Variants in KCNH5 observed in about 807,000 individuals in gnomAD.
KCNH5 encodes the protein potassium voltage-gated channel subfamily H member 5, also known as voltage-gated delayed rectifier potassium channel KCNH5.
A neutral mutation model predicts 96.1 loss-of-function variants in KCNH5; 46 were observed. The ratio of observed to expected loss-of-function variants is 0.48; its 90% CI spans 0.38 to 0.61. The LOEUF (loss-of-function observed/expected upper bound fraction) is 0.61, where lower values mean the gene tolerates loss of function less well. KCNH5 is among the 20% of genes least tolerant of loss of function. The pLI is 0.00. For synonymous variants in KCNH5, 439 were observed against 449.8 expected (o/e 0.98, Z 0.30); for missense variants, 907 against 1,225.8 (o/e 0.74, Z 3.88).
rs773146562 is a variant in KCNH5 at position 63,028,510 on chromosome 14, T to G, written c.74-11556A>C. ...ACTCACAAAGCCGCGATTCCCAAGG[T>G]CAGAAGTGGCAACTAGAACACATGT... On this transcript the variant is annotated intron_variant, in intron 1 of 10. Transcript: ENST00000322893. 2.6e-5 allele frequency among the ~76,000 whole-genome samples: 4 copies of G among 152,252 alleles called. No individual in the cohort carries two copies. The East Asian group carries it at 7.7e-4, about 29-fold the overall frequency.
At chr14:62,782,063 G>A (rs972134909) in intron 9 of KCNH5, among the ~76,000 whole-genome samples, 2 of 152,156 alleles carry the variant, frequency 1.3e-5, no homozygotes, top group African/African-American at 4.8e-5. Flanking sequence ...GGCTTCAGCC[G>A]GTCCCTCCGT....
chr14:62,914,189 C>T (rs749832609), intron 7 of KCNH5, among the ~76,000 whole-genome samples: 5 of 152,126 alleles, frequency 3.3e-5, no homozygotes, highest in South Asian at 2.1e-4. Flanking sequence ...AAATAGAAAT[C>T]GTTAATAACC....
chr14:62,840,578 T>TC (rs1361832423), intron 8 of KCNH5, among the ~76,000 whole-genome samples: 38 of 136,962 alleles, frequency 2.8e-4, no homozygotes, highest in African/African-American at 9.2e-4. Context: ...TTTTTTTTTT[T>TC]TTTTTTTTTT....
chr14:63,036,037 G>C (rs1424285107), intron 1 of KCNH5, among the ~76,000 whole-genome samples: 1 of 152,204 alleles, frequency 6.6e-6, no homozygotes, highest in Non-Finnish European at 1.5e-5. Context: ...TGCTCTGTGA[G>C]CCTTGGAAAT....
intron 10 of KCNH5, among the ~76,000 whole-genome samples, chr14:62,763,379 G>T (rs770670085): frequency 6.6e-6 from 1 of 151,546 alleles, no homozygotes; most frequent in Non-Finnish European, 1.5e-5. Flanking sequence ...CGAATCTCAC[G>T]CCTAAGGCAG....
chr14:62,834,802 C>T lies in KCNH5; in HGVS notation c.1569+14851G>A, dbSNP rs576304729. Reference sequence around the variant, plus strand: ...AGAAAAAATGGAATTCAAATTAATACGTCCACAAATAATGTTTTACTGGGA... The same window carrying T: ...AGAAAAAATGGAATTCAAATTAATATGTCCACAAATAATGTTTTACTGGGA... On this transcript the variant is annotated intron_variant, in intron 8 of 10. Coordinates refer to ENST00000322893, the MANE Select transcript of KCNH5 (RefSeq NM_139318.5). Among the ~76,000 whole-genome samples, 17 of 152,080 alleles carry T rather than the reference C, an allele frequency of 1.1e-4. No individual in the cohort carries two copies. In the East Asian group the frequency reaches 1.5e-3, roughly 14 times the overall value.
At chr14:62,782,605 T>C (rs1352420274) in intron 9 of KCNH5, among the ~76,000 whole-genome samples, 2 of 152,040 alleles carry the variant, frequency 1.3e-5, no homozygotes, top group East Asian at 3.9e-4. Context: ...GGTCAGAAGA[T>C]CGAGACCATC....
At chr14:62,905,214 C>A (rs775117686) in intron 7 of KCNH5, among the ~76,000 whole-genome samples, 5 of 152,144 alleles carry the variant, frequency 3.3e-5, no homozygotes, top group Non-Finnish European at 7.4e-5. Context: ...TTCATTAGAT[C>A]CTTCAGAATA....
rs1291184877 is a variant in KCNH5, at chr14:62,707,830, C to T, written c.2645G>A (p.Arg882Gln). The T allele has an allele frequency of 5.0e-6, 8 of 1,614,086 alleles. No individual in the cohort carries two copies. Among genetic ancestry groups the T allele is most frequent in the Middle Eastern group, 1.6e-4 (1 of 6,062 alleles). ...DLRLDKAGEA[R>Q]SPLEHSPIQA... is the part of the protein sequence containing the mutation. Reference sequence around the variant, plus strand: ...GATGGGACTGTGCTCTAGCGGACTTCGGGCCTCCCCAGCCTTATCCAAACG... The same window carrying T: ...GATGGGACTGTGCTCTAGCGGACTTTGGGCCTCCCCAGCCTTATCCAAACG... Residue 882 changes from arginine (R) to glutamine (Q), a missense_variant, in exon 11 of 11, where the codon CGA becomes CAA. This residue lies in a region of KCNH5 where 362 missense variants were observed against 394.4 expected (regional missense o/e 0.92). Transcript: ENST00000322893.
intron 7 of KCNH5, among the ~76,000 whole-genome samples, chr14:62,908,029 A>T (rs192219446): frequency 1.3e-5 from 2 of 152,202 alleles, no homozygotes; most frequent in East Asian, 3.9e-4. Context: ...ATCCACAAAG[A>T]CCTTATTTAA....
At chr14:62,834,158 T>C (rs1463946062) in intron 8 of KCNH5, among the ~76,000 whole-genome samples, 1 of 152,056 alleles carries the variant, frequency 6.6e-6, no homozygotes, top group African/African-American at 2.4e-5. Flanking sequence ...CAGCCACTCC[T>C]GAGTATCCTT....
chr14:62,872,259 T>A (rs894661378), intron 7 of KCNH5, among the ~76,000 whole-genome samples: 1 of 152,240 alleles, frequency 6.6e-6, no homozygotes, highest in Admixed American at 6.5e-5. Flanking sequence ...AATCACTCTA[T>A]GGTATTATTT....
At chr14:62,964,518 C>T (rs989131813) in intron 6 of KCNH5, among the ~76,000 whole-genome samples, 1 of 152,020 alleles carries the variant, frequency 6.6e-6, no homozygotes. Context: ...CATATACTTA[C>T]TGTCTGTTTT....
rs572601687 is a variant in KCNH5, at chr14:62,833,084, T to C, written c.1569+16569A>G. Among the ~76,000 whole-genome samples, 92 of 152,176 alleles carry C rather than the reference T, an allele frequency of 6.0e-4. 1 individual carries two copies. The highest frequency in any genetic ancestry group is 2.3e-3 in the South Asian group (11 of 4,828). Reference sequence around the variant, plus strand: ...TTATATAGGTTGCTTTTTCATTCTGTTAATTGTTTCGTTGGTCCTACAGAA... The same window carrying C: ...TTATATAGGTTGCTTTTTCATTCTGCTAATTGTTTCGTTGGTCCTACAGAA... On this transcript the variant is annotated intron_variant, in intron 8 of 10. Coordinates refer to ENST00000322893, the MANE Select transcript of KCNH5 (RefSeq NM_139318.5).
At chr14:63,011,027 G>A (rs570797101) in intron 2 of KCNH5, among the ~76,000 whole-genome samples, 1 of 152,162 alleles carries the variant, frequency 6.6e-6, no homozygotes, top group Non-Finnish European at 1.5e-5. Flanking sequence ...AAGCAACACA[G>A]ATAGACTTAA....
intron 1 of KCNH5, among the ~76,000 whole-genome samples, chr14:63,022,114 T>C (rs1325590956): frequency 6.6e-6 from 1 of 152,326 alleles, no homozygotes; most frequent in Middle Eastern, 3.4e-3. Context: ...AACATGATCA[T>C]GACTTTTTAC....
rs191216420 is a variant in KCNH5, at chr14:62,892,939, A to G, written c.1370-43087T>C. Among the ~76,000 whole-genome samples the G allele has an allele frequency of 2.2e-3, 341 of 152,304 alleles. 2 individuals carry two copies. Among genetic ancestry groups the G allele is most frequent in the African/African-American group, 7.8e-3 (326 of 41,558 alleles). On this transcript the variant is annotated intron_variant, in intron 7 of 10. Transcript: ENST00000322893. ...CTAAGAGCTGAAACAGAGATGTACAAGAAGATGAATATTGTTTTCATACCT... is the reference window on the plus strand; with the variant it reads ...CTAAGAGCTGAAACAGAGATGTACAGGAAGATGAATATTGTTTTCATACCT...
intron 7 of KCNH5, among the ~76,000 whole-genome samples, chr14:62,890,342 G>A (rs901277723): frequency 2.6e-5 from 4 of 152,138 alleles, no homozygotes; most frequent in African/African-American, 9.7e-5. Flanking sequence ...TCTGGGAAAG[G>A]TCTAATATCC....
chr14:62,834,583 T>C (rs898638267), intron 8 of KCNH5, among the ~76,000 whole-genome samples: 1 of 151,996 alleles, frequency 6.6e-6, no homozygotes, highest in Non-Finnish European at 1.5e-5. Flanking sequence ...ATGATGATAC[T>C]GTAATTTTTA....
Sources: gnomAD v4.1 joint callset for allele counts (sites outside exome capture counted in the v4.1 genomes callset) on GRCh38, gnomAD v4.1.1 for gene constraint, gnomAD v4.1.1 regional missense constraint, MANE v1.5 for transcripts, NCBI Gene and HGNC (gene_info 2026-07-23, HGNC 2026-07-21) for gene names.